TMEM74: variants seen among roughly 807,000 people sequenced by gnomAD.
TMEM74 encodes the protein transmembrane protein 74.
A neutral mutation model predicts 18.1 loss-of-function variants in TMEM74; 13 were observed. The observed-to-expected ratio is 0.72, with a 90% CI of 0.47 to 1.14. The LOEUF is 1.14. Among genes scored for constraint, TMEM74 ranks in the 50% most tolerant of loss-of-function variants. TMEM74 has a pLI of 0.00. For synonymous variants in TMEM74, 159 were observed against 146.6 expected (o/e 1.08, Z -0.61); for missense variants, 372 against 375.9 (o/e 0.99, Z 0.09).
At chr8:108,759,274 T>C (rs902213107) in intron 1 of TMEM74, among the ~76,000 whole-genome samples, 2 of 152,092 alleles carry the variant, frequency 1.3e-5, no homozygotes, top group Non-Finnish European at 2.9e-5. Context: ...TTAAGAAAAG[T>C]GAACTGTTTC....
rs537513614 is a variant in TMEM74, at chr8:108,628,789, C to T, written n.265-19963G>A. 3.9e-5 allele frequency among the ~76,000 whole-genome samples: 6 copies of T among 152,182 alleles called. No homozygotes were observed. In the South Asian group the frequency reaches 1.2e-3, roughly 32 times the overall value. On this transcript the variant is annotated intron_variant and non_coding_transcript_variant, in intron 2 of 3. Coordinates refer to the TMEM74 transcript ENST00000518838. ...TTTTAGTTCTCCACATCCTCGCCAG[C>T]ATCTGTTATTTCCTGACTTTTTAAT...
chr8:108,657,859 AATATATATATATAT>A (rs1175396487), intron 1 of TMEM74, among the ~76,000 whole-genome samples: 545 of 49,822 alleles, frequency 0.011, 23 homozygotes, highest in Middle Eastern at 0.029. Flanking sequence ...AAAAAAAAAA[AATATATATATATAT>A]ATATATATAT....
At chr8:108,721,242 G>C (rs566572481) in intron 1 of TMEM74, among the ~76,000 whole-genome samples, 1 of 152,280 alleles carries the variant, frequency 6.6e-6, no homozygotes, top group South Asian at 2.1e-4. Flanking sequence ...TAATGAGACA[G>C]ACATGCTCCC....
At chr8:108,616,949 A>G (rs1161784658) in intron 2 of TMEM74, among the ~76,000 whole-genome samples, 1 of 151,530 alleles carries the variant, frequency 6.6e-6, no homozygotes, top group Admixed American at 6.6e-5. Context: ...TATATTATAT[A>G]TACTGACTAT....
At chr8:108,679,712 A>T (rs1813093201) in intron 1 of TMEM74, among the ~76,000 whole-genome samples, 1 of 152,074 alleles carries the variant, frequency 6.6e-6, no homozygotes, top group Non-Finnish European at 1.5e-5. Context: ...GTTCACTCTG[A>T]TGGTAGTTTC....
At chr8:108,742,284 G>T (rs1246245213) in intron 1 of TMEM74, among the ~76,000 whole-genome samples, 1 of 152,052 alleles carries the variant, frequency 6.6e-6, no homozygotes, top group African/African-American at 2.4e-5. Flanking sequence ...ATGTACCCCC[G>T]AAACTAAAAG....
At chr8:108,627,769 T>C (rs1812508813) in intron 2 of TMEM74, among the ~76,000 whole-genome samples, 1 of 152,020 alleles carries the variant, frequency 6.6e-6, no homozygotes, top group African/African-American at 2.4e-5. Context: ...AAGAGTCAAA[T>C]TGTCCATGCA....
At chr8:108,758,921 C>T (rs918675524) in intron 1 of TMEM74, among the ~76,000 whole-genome samples, 17 of 151,788 alleles carry the variant, frequency 1.1e-4, no homozygotes, top group Non-Finnish European at 8.8e-5. Flanking sequence ...AGGAATAAAA[C>T]GTGATTTTTA....
At chr8:108,724,347 T>C (rs1162763963) in intron 1 of TMEM74, among the ~76,000 whole-genome samples, 2 of 152,166 alleles carry the variant, frequency 1.3e-5, no homozygotes, top group African/African-American at 4.8e-5. Context: ...CCTTATTTAA[T>C]TGAGTATCAA....
intron 1 of TMEM74, among the ~76,000 whole-genome samples, chr8:108,733,627 T>A (rs1021707727): frequency 2.0e-5 from 3 of 152,244 alleles, no homozygotes; most frequent in African/African-American, 7.2e-5. Flanking sequence ...GATCTACTTT[T>A]GTAAAGAAGA....
At chr8:108,661,762 G>A (rs1242934566) in intron 1 of TMEM74, among the ~76,000 whole-genome samples, 1 of 152,084 alleles carries the variant, frequency 6.6e-6, no homozygotes, top group Non-Finnish European at 1.5e-5. Context: ...TCCTTTCTGG[G>A]TAGGTGACAC....
At chr8:108,707,752 A>G (rs1400970927) in intron 1 of TMEM74, among the ~76,000 whole-genome samples, 2 of 152,200 alleles carry the variant, frequency 1.3e-5, no homozygotes, top group East Asian at 3.9e-4. Flanking sequence ...AGAAGGAAAC[A>G]TAGGGTAAAA....
intron 1 of TMEM74, among the ~76,000 whole-genome samples, chr8:108,658,672 A>G (rs1413470088): frequency 1.3e-5 from 2 of 152,236 alleles, no homozygotes; most frequent in Non-Finnish European, 2.9e-5. Flanking sequence ...TTTGCAGCCA[A>G]GCAAATGCCA....
chr8:108,775,527 T>G (rs973824431), downstream of TMEM74, among the ~76,000 whole-genome samples: 2 of 152,202 alleles, frequency 1.3e-5, no homozygotes, highest in African/African-American at 4.8e-5. Flanking sequence ...CCAATAACCA[T>G]ATTAAAATTT....
At chr8:108,640,589 G>C (rs1047657594) in intron 2 of TMEM74, among the ~76,000 whole-genome samples, 1 of 151,778 alleles carries the variant, frequency 6.6e-6, no homozygotes, top group Non-Finnish European at 1.5e-5. Flanking sequence ...AAGAACCTTG[G>C]ATATTTACTT....
chr8:108,672,632 G>T (rs2130591227), intron 1 of TMEM74, among the ~76,000 whole-genome samples: 1 of 152,252 alleles, frequency 6.6e-6, no homozygotes, highest in Non-Finnish European at 1.5e-5. Context: ...TGACATTTGG[G>T]TCATTGGAAT....
rs1476042265 is a variant in TMEM74, at chr8:108,784,269, G to C, written c.830C>G (p.Ser277Cys). 6.2e-7 allele frequency: 1 copy of C among 1,614,184 alleles called. No individual in the cohort carries two copies. The highest frequency in any genetic ancestry group is 1.3e-5 in the African/African-American group (1 of 75,040). Residue 277 changes from serine to cysteine, a missense_variant, in exon 2 of 2, where the codon TCT becomes TGT. Transcript: ENST00000297459. ...GCTGGTTTTCATCCTGAAGTTGAAA[G>C]AACCATAGAGTTTTGCAGACTCTTT... ...SSKESAKLYGSFNFRMKTSTN... is the reference protein window; with the variant it reads ...SSKESAKLYGCFNFRMKTSTN...
chr8:108,718,183 C>A (rs549518611), intron 1 of TMEM74, among the ~76,000 whole-genome samples: 1 of 72,204 alleles, frequency 1.4e-5, no homozygotes. Context: ...TGGTCTCGAT[C>A]TCCTGACCTC....
chr8:108,756,732 AAGAG>A (rs59444318), intron 1 of TMEM74, among the ~76,000 whole-genome samples: 35,551 of 117,616 alleles, frequency 0.3, 6,579 homozygotes, highest in East Asian at 0.39. Flanking sequence ...GAAAGAAAGA[AAGAG>A]AAAGAAAGAA....
Sources: gnomAD v4.1 joint callset for allele counts (sites outside exome capture counted in the v4.1 genomes callset) on GRCh38, gnomAD v4.1.1 for gene constraint, MANE v1.5 for transcripts, NCBI Gene and HGNC (gene_info 2026-07-23, HGNC 2026-07-21) for gene names.